MMP14: variants seen among roughly 807,000 people sequenced by gnomAD.
MMP14 encodes the protein matrix metalloproteinase-14.
In MMP14, 13 loss-of-function variants were observed where a neutral mutation model predicts 64.8. The ratio of observed to expected loss-of-function variants is 0.20; its 90% CI spans 0.13 to 0.32. The LOEUF is 0.32. Among genes scored for constraint, MMP14 ranks in the 10% least tolerant of loss-of-function variants. The pLI, the probability that MMP14 is intolerant of heterozygous loss-of-function variation, is 1.00. For missense variants in MMP14, 594 were observed against 783.8 expected (o/e 0.76, Z 2.89); for synonymous variants, 322 against 315.9 (o/e 1.02, Z -0.20).
At chr14:22,837,634 G>A (rs1357218216) in intron 1 of MMP14, among the ~76,000 whole-genome samples, 1 of 152,238 alleles carries the variant, frequency 6.6e-6, no homozygotes, top group Non-Finnish European at 1.5e-5. Flanking sequence ...ATCCCCACCC[G>A]CGTCGGCGCC....
Position 22,845,811 on chromosome 14 carries a change from C to A in MMP14, c.1521C>A (p.Gly507=). The A allele has an allele frequency of 6.2e-7, 1 of 1,614,184 alleles. No homozygotes were observed. The highest frequency in any genetic ancestry group is 1.1e-5 in the South Asian group (1 of 91,084). Residue 507 remains glycine, a synonymous_variant, in exon 10 of 10, where the codon GGC becomes GGA. Transcript: ENST00000311852. ...YPKSALRDWM[G]CPSGGRPDEG... is the part of the protein sequence containing the mutation. Reference sequence around the variant, plus strand: ...AGTCAGCCCTGAGGGACTGGATGGGCTGCCCATCGGGAGGCCGGCCGGATG... The same window carrying A: ...AGTCAGCCCTGAGGGACTGGATGGGATGCCCATCGGGAGGCCGGCCGGATG...
intron 9 of MMP14, 117 bp from the exon 10 acceptor site, chr14:22,845,591 C>A: frequency 9.0e-7 from 1 of 1,115,808 alleles, no homozygotes; most frequent in Non-Finnish European, 1.3e-6. Context: ...GAAGCTGATG[C>A]TCACGAAGGT....
In MMP14 at chr14:22,846,017, G is replaced by A. The variant is rs979977579; in HGVS notation, c.1727G>A (p.Arg576His). ...GTPRRLLYCQ[R>H]SLLDKV Reference sequence around the variant, plus strand: ...CCCAGGCGACTGCTCTACTGCCAGCGTTCCCTGCTGGACAAGGTCTGACGC... The same window carrying A: ...CCCAGGCGACTGCTCTACTGCCAGCATTCCCTGCTGGACAAGGTCTGACGC... The change falls in exon 10 of 10, where the codon CGT (arginine) becomes CAT (histidine). Residue 576 changes from arginine to histidine, a missense_variant. Physicochemically the swap from Arg to His is conservative, Grantham distance 29. This residue lies in a region of MMP14 where 364 missense variants were observed against 425.2 expected (regional missense o/e 0.86). Coordinates refer to ENST00000311852, the MANE Select transcript of MMP14 (RefSeq NM_004995.4). 6.6e-6 allele frequency: 10 copies of A among 1,505,562 alleles called. No homozygotes were observed. The highest frequency in any genetic ancestry group is 1.4e-5 in the African/African-American group (1 of 72,194). 93.3% of individuals were successfully genotyped at this position (1,505,562 alleles called of 1,614,324 possible).
At position 22,836,853 on chromosome 14, in the gene MMP14, G is replaced by A; in HGVS notation, c.36G>A (p.Leu12=). 6.2e-7 allele frequency: 1 copy of A among 1,613,424 alleles called. No individual in the cohort carries two copies. The highest frequency in any genetic ancestry group is 1.7e-4 in the Middle Eastern group (1 of 6,060). The part of the protein sequence containing the change: ...SPAPRPPRCL[L]LPLLTLGTAL... ...CCCCAAGACCCCCCCGTTGTCTCCT[G>A]CTCCCCCTGCTCACGCTCGGCACCG... The change falls in exon 1 of 10, where the codon CTG becomes CTA. Residue 12 remains leucine, a synonymous_variant. Transcript: ENST00000311852.
Position 22,846,117 on chromosome 14 carries a change from G to A in MMP14, c.*78G>A. 1 of 1,357,456 alleles carries A rather than the reference G, an allele frequency of 7.4e-7. No homozygotes were observed. Among genetic ancestry groups the A allele is most frequent in the Non-Finnish European group, 9.7e-7 (1 of 1,026,376 alleles). 84.1% of individuals were successfully genotyped at this position (1,357,456 alleles called of 1,614,324 possible). On this transcript the variant is annotated 3_prime_UTR_variant, in exon 10 of 10. Transcript: ENST00000311852. The stretch of plus-strand genomic sequence containing the variant: ...CAGTGGCAGCAGGTGGTGGTGGGTG[G>A]GCTGTTCCCATCGTCCCGAGCCCCC...
chr14:22,846,020 C>G lies in MMP14; in HGVS notation c.1730C>G (p.Ser577Cys). ...TPRRLLYCQR[S>C]LLDKV is the part of the protein sequence containing the mutation. Reference sequence around the variant, plus strand: ...AGGCGACTGCTCTACTGCCAGCGTTCCCTGCTGGACAAGGTCTGACGCCCA... The same window carrying G: ...AGGCGACTGCTCTACTGCCAGCGTTGCCTGCTGGACAAGGTCTGACGCCCA... The change falls in exon 10 of 10, where the codon TCC (serine) becomes TGC (cysteine). Residue 577 changes from serine to cysteine, a missense_variant. Around this residue, in one of 4 missense-constraint regions of MMP14, gnomAD observed 364 missense variants for 425.2 expected, o/e 0.86. Transcript: ENST00000311852. 2 of 1,500,180 alleles carry G rather than the reference C, an allele frequency of 1.3e-6. No homozygotes were observed. Among genetic ancestry groups the G allele is most frequent in the Non-Finnish European group, 1.8e-6 (2 of 1,121,338 alleles). 92.9% of individuals were successfully genotyped at this position (1,500,180 alleles called of 1,614,324 possible). A position where few individuals can be genotyped will look rare whatever the true frequency, so the allele number is the denominator to read the frequency against.
In MMP14 at chr14:22,840,536, T is replaced by C. The variant is rs187514868; in HGVS notation, c.109-955T>C. Among the ~76,000 whole-genome samples the C allele has an allele frequency of 2.0e-5, 3 of 149,886 alleles. 1 individual carries two copies. In the Admixed American group the frequency reaches 2.0e-4, roughly 10 times the overall value. The stretch of plus-strand genomic sequence containing the variant: ...TCTTTTTTTTTTTTTTGAGACGGAG[T>C]CTTGCTTTGTCTCCCAGGCTGGAGT... On this transcript the variant is annotated intron_variant, in intron 1 of 9. Transcript: ENST00000311852.
chr14:22,841,598 C>T lies in MMP14; in HGVS notation c.216C>T (p.Tyr72=), dbSNP rs572216775. The T allele has an allele frequency of 1.9e-5, 30 of 1,614,062 alleles. No homozygotes were observed. Among genetic ancestry groups the T allele is most frequent in the South Asian group, 1.6e-4 (15 of 91,068 alleles). The change falls in exon 2 of 10, where the codon TAC becomes TAT. Residue 72 remains tyrosine (Y), a synonymous_variant. Transcript: ENST00000311852. ...CCATCGCTGCCATGCAGAAGTTTTACGGCTTGCAAGTAACAGGCAAAGCTG... is the reference window on the plus strand; with the variant it reads ...CCATCGCTGCCATGCAGAAGTTTTATGGCTTGCAAGTAACAGGCAAAGCTG... The part of the protein sequence containing the change: ...SAAIAAMQKF[Y]GLQVTGKADA...
chr14:22,836,813 G>C lies in MMP14; in HGVS notation c.-5G>C. 1.3e-6 allele frequency: 2 copies of C among 1,589,236 alleles called. No individual in the cohort carries two copies. The highest frequency in any genetic ancestry group is 1.7e-6 in the Non-Finnish European group (2 of 1,163,282). ...ACTGCCCGGCTGACCCGGTGGTCTC[G>C]GACCATGTCTCCCGCCCCAAGACCC... On this transcript the variant is annotated 5_prime_UTR_variant, in exon 1 of 10. Transcript: ENST00000311852.
At chr14:22,841,796 T>A in intron 2 of MMP14, 117 bp from the exon 3 acceptor site, 1 of 1,563,332 alleles carries the variant, frequency 6.4e-7, no homozygotes, top group Non-Finnish European at 8.7e-7. Context: ...CCTGACCTCA[T>A]AACCTTGGCC....
rs1025556130 is a variant in MMP14, at chr14:22,847,289, G to T, written c.*1250G>T. ...CAGGAGCTGGGGCTCGCTTAGGCTG[G>T]GTCCACGCTTCCCTGGTGCCAGCAC... On this transcript the variant is annotated 3_prime_UTR_variant, in exon 10 of 10. Transcript: ENST00000311852. The T allele has an allele frequency of 6.6e-6, 1 of 152,464 alleles. No homozygotes were observed. Among genetic ancestry groups the T allele is most frequent in the Non-Finnish European group, 1.5e-5 (1 of 68,236 alleles). The allele number at this position is 152,464 out of a possible 1,614,324, so 9.4% of individuals were successfully genotyped here. A position where few individuals can be genotyped will look rare whatever the true frequency, so the allele number is the denominator to read the frequency against.
In MMP14 at chr14:22,846,761, C is replaced by G. The variant is rs2039817346; in HGVS notation, c.*722C>G. 6.5e-6 allele frequency: 1 copy of G among 152,748 alleles called. No individual in the cohort carries two copies. Among genetic ancestry groups the G allele is most frequent in the Non-Finnish European group, 1.5e-5 (1 of 68,110 alleles). 9.5% of individuals were successfully genotyped at this position (152,748 alleles called of 1,614,324 possible). A position where few individuals can be genotyped will look rare whatever the true frequency, so the allele number is the denominator to read the frequency against. ...AGAAACCCTTGGCAGCCCTGTGCCT[C>G]TCGAATGTTAGCCTTGGATGGGGCT... is the stretch of plus-strand genomic sequence containing the variant. On this transcript the variant is annotated 3_prime_UTR_variant, in exon 10 of 10. Coordinates refer to ENST00000311852, the MANE Select transcript of MMP14 (RefSeq NM_004995.4).
rs757515188 is a variant in MMP14, at chr14:22,845,890, G to A, written c.1600G>A (p.Gly534Ser). Residue 534 changes from glycine to serine, a missense_variant, in exon 10 of 10, where the codon GGC becomes AGC. Gly to Ser is a moderately conservative substitution (Grantham distance 56). This residue lies in a region of MMP14 where 364 missense variants were observed against 425.2 expected (regional missense o/e 0.86). Transcript: ENST00000311852. ...VIIIEVDEEGGGAVSAAAVVL... is the reference protein window; with the variant it reads ...VIIIEVDEEGSGAVSAAAVVL... The stretch of plus-strand genomic sequence containing the variant: ...CATCATTGAGGTGGACGAGGAGGGC[G>A]GCGGGGCGGTGAGCGCGGCTGCCGT... The A allele has an allele frequency of 6.2e-6, 10 of 1,613,334 alleles. No homozygotes were observed. Among genetic ancestry groups the A allele is most frequent in the South Asian group, 3.3e-5 (3 of 91,058 alleles).
rs765822049 is a variant in MMP14, at chr14:22,836,941, G to C, written c.108+16G>C. 3 of 1,604,190 alleles carry C rather than the reference G, an allele frequency of 1.9e-6. No homozygotes were observed. Among genetic ancestry groups the C allele is most frequent in the African/African-American group, 1.3e-5 (1 of 74,770 alleles). ...CAGCCCCGAAGTAAGTGAGCTTCCC[G>C]GCCCTTCCCGGAGTCGCGCCCGCCG... On this transcript the variant is annotated intron_variant, in intron 1 of 9. Transcript: ENST00000311852.
Position 22,843,741 on chromosome 14 carries a change from C to G in MMP14, c.882C>G (p.Pro294=), listed in dbSNP as rs751462032. The G allele has an allele frequency of 6.2e-7, 1 of 1,603,012 alleles. No homozygotes were observed. The highest frequency in any genetic ancestry group is 8.5e-7 in the Non-Finnish European group (1 of 1,177,322). The change falls in exon 6 of 10, where the codon CCC becomes CCG. Residue 294 remains proline, a synonymous_variant. Coordinates refer to ENST00000311852, the MANE Select transcript of MMP14 (RefSeq NM_004995.4). This position sits in a 1 kb window ranked among gnomAD's most constrained non-coding sequence, Gnocchi z 4.8. ...GGESGFPTKM[P]PQPRTTSRPS... is the part of the protein sequence containing the mutation. ...AGTCAGGGTTCCCCACCAAGATGCC[C>G]CCTCAACCCAGGACTACCTCCCGGC...
chr14:22,837,248 C>T (rs1439074665), intron 1 of MMP14: 1 of 542,278 alleles, frequency 1.8e-6, no homozygotes, highest in East Asian at 4.5e-5. Flanking sequence ...CTGCTCTCAG[C>T]TCTGGAACCG....
chr14:22,844,286 A>G, intron 6 of MMP14, 85 bp from the exon 7 acceptor site: 2 of 1,562,672 alleles, frequency 1.3e-6, no homozygotes, highest in South Asian at 1.2e-5. Context: ...TGAGGAACAA[A>G]CAGCAGTGCG....
rs1435224208 is a variant in MMP14, at chr14:22,843,303, G to C, written c.735G>C (p.Leu245=). Residue 245 remains leucine, a synonymous_variant, in exon 5 of 10, where the codon CTG becomes CTC. Transcript: ENST00000311852. The surrounding 1 kb of genome is among the most constrained non-coding windows in gnomAD (Gnocchi z 4.8). ...LVAVHELGHA[L]GLEHSSDPSA... ...CTGTGCACGAGCTGGGCCATGCCCT[G>C]GGGCTCGAGCATTCCAGTGACCCCT... 6.2e-7 allele frequency: 1 copy of C among 1,614,092 alleles called. No homozygotes were observed.
intron 1 of MMP14, among the ~76,000 whole-genome samples, chr14:22,837,667 T>C (rs1423084534): frequency 6.6e-6 from 1 of 152,224 alleles, no homozygotes; most frequent in Non-Finnish European, 1.5e-5. Flanking sequence ...TTGTTGTTAA[T>C]AGTTTTTCTG....
Sources: allele counts gnomAD v4.1 joint callset (sites outside exome capture counted in the v4.1 genomes callset), GRCh38; gene constraint gnomAD v4.1.1; regional missense constraint gnomAD v4.1.1; non-coding constraint Gnocchi (gnomAD v3.1); transcripts MANE v1.5; gene names NCBI Gene and HGNC (gene_info 2026-07-23, HGNC 2026-07-21).